Variants in C9orf72 observed in about 807,000 individuals in gnomAD.
C9orf72 encodes the protein C9orf72-SMCR8 complex subunit.
In C9orf72, 44 loss-of-function variants were observed where a neutral mutation model predicts 51.6. The ratio of observed to expected loss-of-function variants is 0.85; its 90% CI spans 0.67 to 1.10. The LOEUF (loss-of-function observed/expected upper bound fraction) is 1.10. Ranked by LOEUF, C9orf72 falls within the 50% of genes least tolerant of loss-of-function variation. The pLI is 0.00. For missense variants in C9orf72, 607 were observed against 570.6 expected, an observed-to-expected ratio of 1.06 and a Z score of -0.65; for synonymous variants, 213 against 194.2, an observed-to-expected ratio of 1.10 and a Z score of -0.81.
intron 1 of C9orf72, among the ~76,000 whole-genome samples, chr9:27,572,461 ATC>A (rs1819607914): frequency 7.2e-6 from 1 of 137,976 alleles, no homozygotes; most frequent in African/African-American, 2.9e-5. Flanking sequence ...TCTTAACAGT[ATC>A]TTTTTTTTTT....
chr9:27,550,483 A>T (rs779573816), intron 9 of C9orf72, among the ~76,000 whole-genome samples, 167 bp downstream of exon 9: 1 of 152,194 alleles, frequency 6.6e-6, no homozygotes, highest in Non-Finnish European at 1.5e-5. Flanking sequence ...ATGCCCTCAC[A>T]GACTCTTCTG....
In C9orf72 at chr9:27,560,298, C is replaced by A; in HGVS notation, c.667G>T (p.Ala223Ser). The change falls in exon 6 of 11, where the codon GCC becomes TCC. Residue 223 changes from alanine (A) to serine (S), a missense_variant and splice_region_variant. Transcript: ENST00000380003. Reference protein sequence around the residue: ...DSCHEGFLLNAISSHLQTCGC... With the variant: ...DSCHEGFLLNSISSHLQTCGC... ...CAGGTTTGCAAGTGTGAGCTGATGG[C>A]ACTGTAAGTTAAAGAAAACAGATTA... The A allele has an allele frequency of 6.2e-7, 1 of 1,606,972 alleles. No individual in the cohort carries two copies. Among genetic ancestry groups the A allele is most frequent in the Non-Finnish European group, 8.5e-7 (1 of 1,176,242 alleles).
chr9:27,568,770 A>G (rs957985078), intron 1 of C9orf72, among the ~76,000 whole-genome samples: 4 of 151,876 alleles, frequency 2.6e-5, no homozygotes, highest in Non-Finnish European at 5.9e-5. Context: ...ATAAACTACT[A>G]CATTGCTGGT....
At chr9:27,552,123 T>A (rs980352903) in intron 8 of C9orf72, among the ~76,000 whole-genome samples, 1 of 152,194 alleles carries the variant, frequency 6.6e-6, no homozygotes, top group East Asian at 1.9e-4. Flanking sequence ...TCTCTTCCTA[T>A]CTGAATGTCT....
chr9:27,560,796 T>C (rs1587311936), intron 5 of C9orf72: 2 of 973,496 alleles, frequency 2.1e-6, no homozygotes, highest in Non-Finnish European at 1.2e-6. Flanking sequence ...TTTATACTTT[T>C]ACTTCTCTTT....
intron 8 of C9orf72, among the ~76,000 whole-genome samples, chr9:27,553,269 T>G (rs1349484620): frequency 6.6e-6 from 1 of 152,130 alleles, no homozygotes; most frequent in African/African-American, 2.4e-5. Flanking sequence ...AAAGCAATCC[T>G]AAGCAAAAAG....
At chr9:27,560,826 T>A (rs895522139) in intron 5 of C9orf72, 1 of 911,682 alleles carries the variant, frequency 1.1e-6, no homozygotes, top group African/African-American at 1.8e-5. Context: ...TAAAATTTCA[T>A]GAAAATCTGT....
rs767226139 is a variant in C9orf72 at position 27,548,373 on chromosome 9, G to C, written c.1309C>G (p.Leu437Val). 6.8e-7 allele frequency: 1 copy of C among 1,476,644 alleles called. No individual in the cohort carries two copies. Among genetic ancestry groups the C allele is most frequent in the East Asian group, 2.7e-5 (1 of 36,442 alleles). The allele number at this position is 1,476,644 out of a possible 1,614,324, so 91.5% of individuals were successfully genotyped here. A position where few individuals can be genotyped will look rare whatever the true frequency, so the allele number is the denominator to read the frequency against. The change falls in exon 11 of 11, where the codon CTT (leucine) becomes GTT (valine). Residue 437 changes from leucine (L) to valine (V), a missense_variant. By Grantham distance (32) the Leu-to-Val change is conservative (BLOSUM62 1). Transcript: ENST00000380003. ...AGATCGCCCTCTGCTGTTAAATCAAGGTCTATCTTCAGGTTCCGAAGAGAT... is the reference window on the plus strand; with the variant it reads ...AGATCGCCCTCTGCTGTTAAATCAACGTCTATCTTCAGGTTCCGAAGAGAT... ...FKSLRNLKID[L>V]DLTAEGDLNI... is the part of the protein sequence containing the mutation.
At chr9:27,566,632 T>A (rs760468411) in intron 2 of C9orf72, 45 bp downstream of exon 2, 2 of 1,351,726 alleles carry the variant, frequency 1.5e-6, no homozygotes, top group South Asian at 2.8e-5. Context: ...AAATAAGCTT[T>A]CAACAGATAG....
At chr9:27,562,596 TCAAA>T (rs1266245111) in intron 3 of C9orf72, 120 bp from the exon 4 acceptor site, 2 of 468,744 alleles carry the variant, frequency 4.3e-6, no homozygotes, top group Non-Finnish European at 7.5e-6. Flanking sequence ...CGTAATTTGT[TCAAA>T]CACAGTATCA....
intron 5 of C9orf72, 184 bp downstream of exon 5, chr9:27,561,401 C>T (rs1177712427): frequency 1.0e-5 from 14 of 1,363,564 alleles, no homozygotes; most frequent in East Asian, 9.3e-5. Flanking sequence ...TGGAATAACA[C>T]CAAATATATA....
At chr9:27,561,412 T>C (rs548873026) in intron 5 of C9orf72, 173 bp downstream of exon 5, 26 of 1,381,822 alleles carry the variant, frequency 1.9e-5, no homozygotes, top group Admixed American at 7.6e-5. Flanking sequence ...CAAATATATA[T>C]AGAAATATAA....
At position 27,566,800 on chromosome 9, in the gene C9orf72, G is replaced by A. The variant is rs757946176; in HGVS notation, c.321C>T (p.Arg107=). Residue 107 remains arginine (R), a synonymous_variant, in exon 2 of 11, where the codon CGC becomes CGT. Transcript: ENST00000380003. ...LIFDGNWNGD[R]STYGLSIILP... Reference sequence around the variant, plus strand: ...GTATAATTGATAGTCCATATGTGCTGCGATCCCCATTCCAGTTTCCATCAA... The same window carrying A: ...GTATAATTGATAGTCCATATGTGCTACGATCCCCATTCCAGTTTCCATCAA... 1.9e-6 allele frequency: 3 copies of A among 1,613,856 alleles called. No individual in the cohort carries two copies. Among genetic ancestry groups the A allele is most frequent in the East Asian group, 2.2e-5 (1 of 44,870 alleles).
chr9:27,562,355 G>A (rs752771564), intron 4 of C9orf72, 26 bp downstream of exon 4: 35 of 1,241,814 alleles, frequency 2.8e-5, no homozygotes, highest in African/African-American at 2.7e-4. Flanking sequence ...CTCATAAAGT[G>A]TATAATTGCT....
At chr9:27,571,214 A>ACGGTGG in intron 1 of C9orf72, 1 of 152,342 alleles carries the variant, frequency 6.6e-6, no homozygotes, top group Admixed American at 6.5e-5. Flanking sequence ...ATTGAGTGAG[A>ACGGTGG]CGGTGGCTTG....
At chr9:27,567,499 T>C (rs774778050) in intron 1 of C9orf72, among the ~76,000 whole-genome samples, 5 of 152,142 alleles carry the variant, frequency 3.3e-5, no homozygotes, top group African/African-American at 9.7e-5. Flanking sequence ...TTCCCAAATA[T>C]CCAGTCCATG....
chr9:27,556,427 A>T, intron 8 of C9orf72, 134 bp downstream of exon 8: 1 of 629,876 alleles, frequency 1.6e-6, no homozygotes, highest in Non-Finnish European at 2.8e-6. Flanking sequence ...ATGCTTGATT[A>T]AATGTTTCTT....
At chr9:27,569,077 A>G (rs1050198256) in intron 1 of C9orf72, among the ~76,000 whole-genome samples, 1 of 151,982 alleles carries the variant, frequency 6.6e-6, no homozygotes, top group Non-Finnish European at 1.5e-5. Context: ...AAAAACGACT[A>G]ACAAGTAAAA....
chr9:27,565,107 G>A (rs2492816), intron 3 of C9orf72, among the ~76,000 whole-genome samples: 62,756 of 151,972 alleles, frequency 0.41, 13,273 homozygotes, highest in Middle Eastern at 0.51. Context: ...ATAAGACTTA[G>A]AAGAAATATT....
Sources: allele counts gnomAD v4.1 joint callset (sites outside exome capture counted in the v4.1 genomes callset), GRCh38; gene constraint gnomAD v4.1.1; transcripts MANE v1.5; gene names NCBI Gene and HGNC (gene_info 2026-07-23, HGNC 2026-07-21).